The following PRKCB variants were observed in gnomAD, a reference collection of about 807,000 sequenced individuals.
PRKCB encodes the protein protein kinase C beta, also known as protein kinase C beta type.
Under a neutral mutation model 81.5 loss-of-function variants are expected in PRKCB, and 13 were observed. That is an observed-to-expected ratio of 0.16 (90% confidence interval 0.10 to 0.25). The LOEUF (loss-of-function observed/expected upper bound fraction) is 0.25, where lower values mean the gene tolerates loss of function less well. PRKCB is among the 10% of genes least tolerant of loss of function. PRKCB has a pLI of 1.00. For missense variants in PRKCB, 509 were observed against 875.7 expected (o/e 0.58, Z 5.29); for synonymous variants, 335 against 321.4 (o/e 1.04, Z -0.45).
intron 16 of PRKCB, among the ~76,000 whole-genome samples, chr16:24,212,622 A>G (rs1055684195): frequency 6.6e-6 from 1 of 151,648 alleles, no homozygotes; most frequent in Non-Finnish European, 1.5e-5. Context: ...GACTACAGGC[A>G]TGCACCACCA....
At chr16:23,926,162 T>C (rs1963893815) in intron 2 of PRKCB, among the ~76,000 whole-genome samples, 1 of 151,938 alleles carries the variant, frequency 6.6e-6, no homozygotes, top group Non-Finnish European at 1.5e-5. Context: ...TCCCAGTTTC[T>C]TGAGAGGCTG....
chr16:24,096,667 ATATATATAT>A (rs1360891322), intron 7 of PRKCB, among the ~76,000 whole-genome samples: 14 of 17,804 alleles, frequency 7.9e-4, no homozygotes, highest in Admixed American at 3.5e-3. Context: ...AAAAAAAAAA[ATATATATAT>A]ATATATATAT....
intron 2 of PRKCB, among the ~76,000 whole-genome samples, chr16:23,972,021 T>TA (rs573175341): frequency 3.7e-4 from 56 of 152,184 alleles, no homozygotes; most frequent in Admixed American, 1.6e-3. Flanking sequence ...CAGATACTGT[T>TA]AAAAAAACCC....
intron 3 of PRKCB, among the ~76,000 whole-genome samples, chr16:23,990,044 C>A (rs566700062): frequency 6.6e-6 from 1 of 152,244 alleles, no homozygotes; most frequent in South Asian, 2.1e-4. Context: ...GGACACATTG[C>A]CGACATCCTG....
At chr16:23,911,811 A>C (rs1963658223) in intron 2 of PRKCB, among the ~76,000 whole-genome samples, 1 of 141,244 alleles carries the variant, frequency 7.1e-6, no homozygotes, top group Non-Finnish European at 1.5e-5. Flanking sequence ...TTGTCCTGGG[A>C]TATGCGCGAC....
chr16:24,088,894 C>A (rs567254818), intron 5 of PRKCB, among the ~76,000 whole-genome samples: 7 of 151,962 alleles, frequency 4.6e-5, no homozygotes, highest in Non-Finnish European at 1.0e-4. Flanking sequence ...AAGACTGGGG[C>A]GGAGGAGGGG....
intron 2 of PRKCB, among the ~76,000 whole-genome samples, chr16:23,953,829 A>G (rs1256564030): frequency 6.6e-6 from 1 of 152,032 alleles, no homozygotes; most frequent in Non-Finnish European, 1.5e-5. Flanking sequence ...CAAGGAGCAT[A>G]TAGTCAAAGA....
chr16:24,104,568 A>C (rs56935221), intron 7 of PRKCB, among the ~76,000 whole-genome samples: 2,838 of 152,330 alleles, frequency 0.019, 88 homozygotes, highest in African/African-American at 0.063. Context: ...GGGGACAAGG[A>C]ATCTTGGGGA....
rs1968197296 is a variant in PRKCB, at chr16:24,214,800, C to G, written c.2006C>G (p.Pro669Arg). The G allele has an allele frequency of 6.2e-7, 1 of 1,614,064 alleles. No individual in the cohort carries two copies. Among genetic ancestry groups the G allele is most frequent in the East Asian group, 2.2e-5 (1 of 44,876 alleles). The change falls in exon 17 of 17, where the codon CCC becomes CGC. Residue 669 changes from proline to arginine, a missense_variant. By Grantham distance (103) the Pro-to-Arg change is moderately radical. Around this residue, in one of 6 missense-constraint regions of PRKCB, gnomAD observed 104 missense variants for 160.5 expected, o/e 0.65. Coordinates refer to ENST00000643927, the MANE Select transcript of PRKCB (RefSeq NM_002738.7). ...FSFVNSEFLK[P>R]EVKS is the part of the protein sequence containing the mutation. ...TTTGTTAACTCTGAATTTTTAAAACCCGAAGTCAAGAGCTAAGTAGATGTG... is the reference window on the plus strand; with the variant it reads ...TTTGTTAACTCTGAATTTTTAAAACGCGAAGTCAAGAGCTAAGTAGATGTG...
At position 23,886,242 on chromosome 16, in the gene PRKCB, G is replaced by A. The variant is rs187318176; in HGVS notation, c.205+48836G>A. 3.2e-4 allele frequency among the ~76,000 whole-genome samples: 48 copies of A among 152,156 alleles called. 1 individual carries two copies. The East Asian group carries it at 8.5e-3, about 27-fold the overall frequency. ...TTCCTTTGACTTGCAGATGGATCAA[G>A]GCTTTTCTTGAGAGAGGCTTCTCTT... On this transcript the variant is annotated intron_variant, in intron 2 of 16. Transcript: ENST00000643927.
chr16:23,896,310 AT>A (rs1215601462), intron 2 of PRKCB, among the ~76,000 whole-genome samples: 4 of 152,130 alleles, frequency 2.6e-5, no homozygotes, highest in African/African-American at 9.7e-5. Flanking sequence ...TTTTGGACCC[AT>A]TTCCCTCTTA....
intron 2 of PRKCB, among the ~76,000 whole-genome samples, chr16:23,925,080 T>G (rs918215990): frequency 4.6e-5 from 7 of 152,040 alleles, no homozygotes; most frequent in African/African-American, 1.7e-4. Flanking sequence ...TGGGGTATAG[T>G]TATTTAACTG....
At chr16:23,909,686 T>C (rs1212467723) in intron 2 of PRKCB, among the ~76,000 whole-genome samples, 2 of 152,228 alleles carry the variant, frequency 1.3e-5, no homozygotes, top group Non-Finnish European at 2.9e-5. Flanking sequence ...CTCCCACTTG[T>C]AAGTGAGAAC....
intron 3 of PRKCB, among the ~76,000 whole-genome samples, chr16:24,006,384 G>T (rs1437414381): frequency 6.6e-6 from 1 of 152,190 alleles, no homozygotes; most frequent in Non-Finnish European, 1.5e-5. Flanking sequence ...ACGAAGAACA[G>T]CCCATACTGA....
At chr16:24,027,794 G>A (rs1487237665) in intron 3 of PRKCB, among the ~76,000 whole-genome samples, 1 of 152,130 alleles carries the variant, frequency 6.6e-6, no homozygotes, top group African/African-American at 2.4e-5. Context: ...TTTTGAGACA[G>A]GGTCTTGCTC....
intron 5 of PRKCB, among the ~76,000 whole-genome samples, chr16:24,042,494 A>C (rs1965712678): frequency 6.6e-6 from 1 of 152,260 alleles, no homozygotes; most frequent in Non-Finnish European, 1.5e-5. Context: ...GCAAACACTC[A>C]TTTATCCACC....
intron 2 of PRKCB, among the ~76,000 whole-genome samples, chr16:23,906,925 A>T (rs1963568948): frequency 6.6e-6 from 1 of 152,136 alleles, no homozygotes; most frequent in South Asian, 2.1e-4. Flanking sequence ...GACCTGAAGG[A>T]TAACCGCAAT....
At chr16:23,837,337 C>A in intron 1 of PRKCB, 38 bp from the exon 2 acceptor site, 2 of 1,612,954 alleles carry the variant, frequency 1.2e-6, no homozygotes, top group South Asian at 1.1e-5. Context: ...GCTGGGCCCC[C>A]CGGGCTGCCT....
At chr16:23,839,640 A>T (rs2141073150) in intron 2 of PRKCB, among the ~76,000 whole-genome samples, 1 of 152,058 alleles carries the variant, frequency 6.6e-6, no homozygotes, top group South Asian at 2.1e-4. Flanking sequence ...GGCAGCGTAG[A>T]GAAGTGGGCA....
Sources: allele counts gnomAD v4.1 joint callset (sites outside exome capture counted in the v4.1 genomes callset), GRCh38; gene constraint gnomAD v4.1.1; regional missense constraint gnomAD v4.1.1; transcripts MANE v1.5; gene names NCBI Gene and HGNC (gene_info 2026-07-23, HGNC 2026-07-21).